LCP2: variants seen among roughly 807,000 people sequenced by gnomAD.
The protein encoded by LCP2 is lymphocyte cytosolic protein 2.
A neutral mutation model predicts 74.5 loss-of-function variants in LCP2; 29 were observed. The observed-to-expected ratio is 0.39, with a 90% CI of 0.29 to 0.53. The LOEUF is 0.53. Among genes scored for constraint, LCP2 ranks in the 20% least tolerant of loss-of-function variants. The pLI, the probability that LCP2 is intolerant of heterozygous loss-of-function variation, is 0.72. For synonymous variants in LCP2, 228 were observed against 229.5 expected (o/e 0.99, Z 0.06); for missense variants, 604 against 634.6 (o/e 0.95, Z 0.52).
intron 6 of LCP2, among the ~76,000 whole-genome samples, chr5:170,272,850 G>A (rs1761920674): frequency 6.6e-6 from 1 of 151,668 alleles, no homozygotes; most frequent in Non-Finnish European, 1.5e-5. Flanking sequence ...TTGATCTTGT[G>A]ATCTGCCCGC....
At chr5:170,280,820 C>T (rs1035067421) in intron 3 of LCP2, among the ~76,000 whole-genome samples, 2 of 152,106 alleles carry the variant, frequency 1.3e-5, no homozygotes, top group Admixed American at 6.6e-5. Flanking sequence ...CCAGCCTGGC[C>T]AACATGGCAA....
chr5:170,274,209 C>G (rs1581067722), intron 6 of LCP2, 92 bp downstream of exon 6: 1 of 1,325,748 alleles, frequency 7.5e-7, no homozygotes, highest in East Asian at 2.5e-5. Flanking sequence ...CATGTTAGAG[C>G]CCCGCTTCAC....
intron 10 of LCP2, among the ~76,000 whole-genome samples, chr5:170,266,023 T>C (rs185993717): frequency 9.3e-4 from 142 of 152,326 alleles, no homozygotes; most frequent in African/African-American, 3.3e-3. Context: ...AATTTTATCA[T>C]CTGAGAAGTG....
chr5:170,286,179 C>T (rs1043412224), intron 3 of LCP2, among the ~76,000 whole-genome samples: 3 of 152,190 alleles, frequency 2.0e-5, no homozygotes, highest in African/African-American at 7.2e-5. Context: ...TTAGGACGAT[C>T]CCTCAGGGAA....
At chr5:170,287,839 G>T in intron 3 of LCP2, 131 bp downstream of exon 3, 3 of 810,440 alleles carry the variant, frequency 3.7e-6, no homozygotes, top group East Asian at 2.6e-5. Flanking sequence ...TCCTGCCCTT[G>T]CCCTCATCCT....
chr5:170,250,936 T>C, intron 19 of LCP2, 51 bp from the exon 20 acceptor site: 1 of 1,534,528 alleles, frequency 6.5e-7, no homozygotes, highest in South Asian at 1.1e-5. Flanking sequence ...TCAATATTTT[T>C]GTTGCTTGTA....
Position 170,256,635 on chromosome 5 carries a change from G to C in LCP2, c.1101-60C>G. ...ATTGGGGTGATGGGGCCAGACAGGG[G>C]AGCTGGGTTAGGGAAGCCAGGCTGC... On this transcript the variant is annotated intron_variant, in intron 16 of 20. Coordinates refer to ENST00000046794, the MANE Select transcript of LCP2 (RefSeq NM_005565.5). The surrounding 1 kb of genome is among the most constrained non-coding windows in gnomAD (Gnocchi z 4.5). 1.6e-6 allele frequency: 2 copies of C among 1,260,472 alleles called. No individual in the cohort carries two copies. The highest frequency in any genetic ancestry group is 2.3e-6 in the Non-Finnish European group (2 of 858,654). The allele number at this position is 1,260,472 out of a possible 1,614,324, so 78.1% of individuals were successfully genotyped here.
At chr5:170,261,933 AC>A (rs1308418653) in intron 13 of LCP2, among the ~76,000 whole-genome samples, 3 of 152,204 alleles carry the variant, frequency 2.0e-5, no homozygotes, top group Non-Finnish European at 4.4e-5. Context: ...TTTTTTAAAA[AC>A]ATTACTCTAA....
chr5:170,274,601 G>A (rs1761973566), intron 5 of LCP2, among the ~76,000 whole-genome samples: 1 of 152,200 alleles, frequency 6.6e-6, no homozygotes. Context: ...AGTGCTTTAA[G>A]ACCTGTAGAT....
chr5:170,297,652 C>A lies in LCP2; in HGVS notation c.-41G>T. On this transcript the variant is annotated 5_prime_UTR_variant, in exon 1 of 21. Coordinates refer to ENST00000046794, the MANE Select transcript of LCP2 (RefSeq NM_005565.5). ...AAGAAGCTCACAAGCTGAGCATGGG[C>A]GCTTCACCCATGGGCAGAGAAGCTC... 1 of 1,543,898 alleles carries A rather than the reference C, an allele frequency of 6.5e-7. No homozygotes were observed. Among genetic ancestry groups the A allele is most frequent in the Non-Finnish European group, 8.8e-7 (1 of 1,130,678 alleles).
At chr5:170,260,661 G>A (rs1025365203) in intron 14 of LCP2, among the ~76,000 whole-genome samples, 1 of 152,174 alleles carries the variant, frequency 6.6e-6, no homozygotes, top group African/African-American at 2.4e-5. Context: ...GGGACAACTG[G>A]TCATATTTAA....
intron 19 of LCP2, 159 bp from the exon 20 acceptor site, chr5:170,251,044 T>C (rs1581055503): frequency 1.7e-6 from 1 of 595,520 alleles, no homozygotes; most frequent in African/African-American, 1.9e-5. Flanking sequence ...CATTCAGTTC[T>C]CCAAACAGCT....
intron 15 of LCP2, chr5:170,258,399 A>G: frequency 2.4e-6 from 1 of 423,388 alleles, no homozygotes; most frequent in Non-Finnish European, 4.2e-6. Context: ...ATGATACTCT[A>G]AAATACACAT....
At chr5:170,281,302 C>T (rs746328296) in intron 3 of LCP2, among the ~76,000 whole-genome samples, 9 of 151,124 alleles carry the variant, frequency 6.0e-5, no homozygotes, top group East Asian at 1.9e-4. Flanking sequence ...TTTTTTGAGA[C>T]GGAGTCTTGC....
chr5:170,280,640 T>C (rs1227576155), intron 3 of LCP2, among the ~76,000 whole-genome samples: 1 of 152,190 alleles, frequency 6.6e-6, no homozygotes, highest in Non-Finnish European at 1.5e-5. Flanking sequence ...TAGTTTTACA[T>C]GGAGTGTTTT....
In LCP2 at chr5:170,262,664, G is replaced by A. The variant is rs754857227; in HGVS notation, c.897C>T (p.Pro299=). 6 of 1,613,922 alleles carry A rather than the reference G, an allele frequency of 3.7e-6. No individual in the cohort carries two copies. The highest frequency in any genetic ancestry group is 2.5e-6 in the Non-Finnish European group (3 of 1,179,840). The change falls in exon 13 of 21, where the codon CCC becomes CCT. Residue 299 remains proline (P), a synonymous_variant. Coordinates refer to ENST00000046794, the MANE Select transcript of LCP2 (RefSeq NM_005565.5). ...GCACAGGTGGCTTCTTCCCTGGCAG[G>A]GGGCTGCTCCTTTCATGTCTTTCCG... ...PTTERHERSS[P]LPGKKPPVPK... is the part of the protein sequence containing the mutation.
chr5:170,272,968 C>G (rs949717697), intron 6 of LCP2, among the ~76,000 whole-genome samples: 3 of 151,566 alleles, frequency 2.0e-5, no homozygotes, highest in Non-Finnish European at 4.4e-5. Flanking sequence ...GTCCCTCATC[C>G]TTCTTCAGCA....
chr5:170,252,236 C>G (rs922275369), intron 19 of LCP2, 198 bp downstream of exon 19: 3 of 394,760 alleles, frequency 7.6e-6, no homozygotes, highest in African/African-American at 6.1e-5. Context: ...TTCTGCCAGC[C>G]TAATGATTCC....
chr5:170,280,751 T>C (rs1207548354), intron 3 of LCP2, among the ~76,000 whole-genome samples: 2 of 152,202 alleles, frequency 1.3e-5, no homozygotes, highest in African/African-American at 2.4e-5. Context: ...CTCATGCCTG[T>C]AATCCCAGCA....
Sources: allele counts gnomAD v4.1 joint callset (sites outside exome capture counted in the v4.1 genomes callset), GRCh38; gene constraint gnomAD v4.1.1; non-coding constraint Gnocchi (gnomAD v3.1); transcripts MANE v1.5; gene names NCBI Gene and HGNC (gene_info 2026-07-23, HGNC 2026-07-21).